HNRNPM: variants seen among roughly 807,000 people sequenced by gnomAD.
HNRNPM encodes the protein CEA receptor.
Under a neutral mutation model 73.1 loss-of-function variants are expected in HNRNPM, and 11 were observed. The observed-to-expected ratio is 0.15, with a 90% confidence interval of 0.09 to 0.25. The LOEUF is 0.25. HNRNPM is among the 10% of genes least tolerant of loss of function. The pLI is 1.00. For missense variants in HNRNPM, 789 were observed against 1,067.9 expected (o/e 0.74, Z 3.64); for synonymous variants, 407 against 355.2 (o/e 1.15, Z -1.64).
chr19:8,485,938 GTGGGCCAGACCATTGAGCGCA>G lies in HNRNPM; in HGVS notation c.1516_1536del (p.Gln506_Gly512del). 6.2e-7 allele frequency: 1 copy of G among 1,605,678 alleles called. No homozygotes were observed. The highest frequency in any genetic ancestry group is 1.1e-5 in the South Asian group (1 of 91,006). ...GCGCATGGCCGCTCCCATCGACCGTGTGGGCCAGACCATTGAGCGCATGGGCTCTGGCGTGGAGCGCATGGG... is the reference window on the plus strand; with the variant it reads ...GCGCATGGCCGCTCCCATCGACCGTGTGGGCTCTGGCGTGGAGCGCATGGG... On this transcript the variant is annotated inframe_deletion, in exon 14 of 16. Coordinates refer to ENST00000325495, the MANE Select transcript of HNRNPM (RefSeq NM_005968.5).
chr19:8,474,344 A>T (rs1433572303), intron 12 of HNRNPM, 100 bp downstream of exon 12: 3 of 684,918 alleles, frequency 4.4e-6, no homozygotes, highest in African/African-American at 3.7e-5. Flanking sequence ...GTGGTTTCTC[A>T]CTTCTGCTTT....
At chr19:8,473,754 A>C in intron 11 of HNRNPM, 46 bp downstream of exon 11, 1 of 1,123,618 alleles carries the variant, frequency 8.9e-7, no homozygotes, top group East Asian at 2.4e-5. Flanking sequence ...TTTTAGGCAT[A>C]GTTTTCTCTC....
At chr19:8,471,530 C>G in intron 10 of HNRNPM, 103 bp downstream of exon 10, 1 of 523,730 alleles carries the variant, frequency 1.9e-6, no homozygotes, top group Non-Finnish European at 3.3e-6. Context: ...AAATATTTAA[C>G]TGGGACAAAA....
chr19:8,450,821 C>G (rs1032885353), intron 1 of HNRNPM, among the ~76,000 whole-genome samples: 1 of 149,976 alleles, frequency 6.7e-6, no homozygotes, highest in African/African-American at 2.5e-5. Flanking sequence ...GCCTCCCGTT[C>G]AAGTGATTCT....
rs1012994045 is a variant in HNRNPM, at chr19:8,489,068, T to G, written c.*214T>G. ...AATTTTTTTTGTAGTTGTGGCATCT[T>G]GTTGACATCGAATATGACTTTGATA... On this transcript the variant is annotated 3_prime_UTR_variant, in exon 16 of 16. Transcript: ENST00000325495. 2 of 501,608 alleles carry G rather than the reference T, an allele frequency of 4.0e-6. No homozygotes were observed. Among genetic ancestry groups the G allele is most frequent in the Non-Finnish European group, 7.2e-6 (2 of 279,632 alleles). The allele number at this position is 501,608 out of a possible 1,614,324, so 31.1% of individuals were successfully genotyped here.
In HNRNPM at chr19:8,473,525, ATTAAAATATATAAAATATACT is replaced by A. The variant is rs1224514101; in HGVS notation, c.998-137_998-117del. ...ATGGTAAGGGCTTTTTTTCTTGCTGATTAAAATATATAAAATATACTTGTCATCAGGGATTTTCTTTTGAGT... is the reference window on the plus strand; with the variant it reads ...ATGGTAAGGGCTTTTTTTCTTGCTGATGTCATCAGGGATTTTCTTTTGAGT... On this transcript the variant is annotated intron_variant, in intron 10 of 15. Transcript: ENST00000325495. The A allele has an allele frequency of 6.4e-6, 4 of 627,604 alleles. No individual in the cohort carries two copies. The African/African-American group carries it at 7.6e-5, about 12-fold the overall frequency. 38.9% of individuals were successfully genotyped at this position (627,604 alleles called of 1,614,324 possible). A position where few individuals can be genotyped will look rare whatever the true frequency, so the allele number is the denominator to read the frequency against.
chr19:8,473,751 C>G, intron 11 of HNRNPM, 43 bp downstream of exon 11: 1 of 1,155,228 alleles, frequency 8.7e-7, no homozygotes, highest in Non-Finnish European at 1.3e-6. Flanking sequence ...CACTTTTAGG[C>G]ATAGTTTTCT....
In HNRNPM at chr19:8,466,222, C is replaced by T. The variant is rs761959898; in HGVS notation, c.631-13C>T. 3.2e-5 allele frequency: 52 copies of T among 1,608,114 alleles called. No homozygotes were observed. The highest frequency in any genetic ancestry group is 4.3e-5 in the Non-Finnish European group (51 of 1,178,058). On this transcript the variant is annotated splice_polypyrimidine_tract_variant and intron_variant, in intron 6 of 15. Coordinates refer to ENST00000325495, the MANE Select transcript of HNRNPM (RefSeq NM_005968.5). ...TTTACATTGAGGTTTTTACCCCGTT[C>T]TCTCTCGATTAGCTGGATTATAAAG...
At chr19:8,458,722 A>G (rs1568267764) in intron 2 of HNRNPM, among the ~76,000 whole-genome samples, 14 of 152,366 alleles carry the variant, frequency 9.2e-5, no homozygotes, top group Admixed American at 6.5e-4. Context: ...TTCTGTTAGT[A>G]TAATACACCA....
intron 9 of HNRNPM, among the ~76,000 whole-genome samples, chr19:8,469,632 A>C (rs17159302): frequency 0.22 from 33,194 of 152,218 alleles, 4,542 homozygotes; most frequent in East Asian, 0.5. Flanking sequence ...GTGCAGAGTC[A>C]TAGATAAGCC....
At chr19:8,472,381 C>T (rs1970209752) in intron 10 of HNRNPM, among the ~76,000 whole-genome samples, 1 of 152,080 alleles carries the variant, frequency 6.6e-6, no homozygotes, top group African/African-American at 2.4e-5. Flanking sequence ...GTCAGTGTTG[C>T]ATATCCCTAG....
chr19:8,471,963 G>A (rs796456068), intron 10 of HNRNPM, among the ~76,000 whole-genome samples: 11 of 152,264 alleles, frequency 7.2e-5, no homozygotes, highest in African/African-American at 2.6e-4. Context: ...ACAAGGTCAG[G>A]AGTTTGAGAC....
At chr19:8,453,600 G>T (rs961518687) in intron 1 of HNRNPM, among the ~76,000 whole-genome samples, 2 of 151,908 alleles carry the variant, frequency 1.3e-5, no homozygotes, top group African/African-American at 4.8e-5. Flanking sequence ...TTTTTTTCCG[G>T]TTTTGTCATG....
intron 10 of HNRNPM, among the ~76,000 whole-genome samples, chr19:8,472,939 T>G (rs1970253774): frequency 6.6e-6 from 1 of 152,226 alleles, no homozygotes; most frequent in South Asian, 2.1e-4. Context: ...CTAAAAAGTT[T>G]ATGTTCCATA....
intron 13 of HNRNPM, 90 bp downstream of exon 13, chr19:8,483,301 C>A: frequency 1.1e-6 from 1 of 938,646 alleles, no homozygotes; most frequent in Non-Finnish European, 1.7e-6. Flanking sequence ...AGTGCGGGTT[C>A]TGACACAGAC....
intron 12 of HNRNPM, among the ~76,000 whole-genome samples, chr19:8,481,967 CTTTTTTTT>C (rs35179733): frequency 6.0e-5 from 7 of 117,326 alleles, no homozygotes; most frequent in South Asian, 2.8e-4. Context: ...TGTTTGGTGT[CTTTTTTTT>C]TTTTTTTTTT....
intron 5 of HNRNPM, 80 bp from the exon 6 acceptor site, chr19:8,465,244 T>G: frequency 5.3e-4 from 600 of 1,136,440 alleles, no homozygotes; most frequent in Non-Finnish European, 6.8e-4. Context: ...TTCTAAGTCT[T>G]GAGAATATCA....
At chr19:8,453,412 A>G (rs1182161878) in intron 1 of HNRNPM, among the ~76,000 whole-genome samples, 3 of 152,150 alleles carry the variant, frequency 2.0e-5, no homozygotes, top group Non-Finnish European at 4.4e-5. Context: ...AAGTGCTGGG[A>G]TTACAGATGG....
chr19:8,447,394 G>T (rs1166604613), intron 1 of HNRNPM, among the ~76,000 whole-genome samples: 2 of 151,910 alleles, frequency 1.3e-5, no homozygotes, highest in African/African-American at 4.8e-5. Context: ...ATAACATAAG[G>T]TAATTATGCT....
Sources: gnomAD v4.1 joint callset for allele counts (sites outside exome capture counted in the v4.1 genomes callset) on GRCh38, gnomAD v4.1.1 for gene constraint, MANE v1.5 for transcripts, NCBI Gene and HGNC (gene_info 2026-07-23, HGNC 2026-07-21) for gene names.